The following FLYWCH1 variants were observed in gnomAD, a reference collection of about 807,000 sequenced individuals.
The protein encoded by FLYWCH1 is FLYWCH-type zinc finger-containing protein 1.
FLYWCH1 carries 75 observed loss-of-function variants against 66.4 expected under a neutral mutation model. The observed-to-expected ratio is 1.13, with a 90% CI of 0.94 to 1.37. The LOEUF (loss-of-function observed/expected upper bound fraction) is 1.37. FLYWCH1 is among the 40% of genes most tolerant of loss of function. The pLI is 0.00. For missense variants in FLYWCH1, 1,334 were observed against 1,001.8 expected, an observed-to-expected ratio of 1.33 and a Z score of -4.48; for synonymous variants, 595 against 429.9, an observed-to-expected ratio of 1.38 and a Z score of -4.75.
At chr16:2,936,642 C>T (rs1185901822) in intron 6 of FLYWCH1, 1 of 458,622 alleles carries the variant, frequency 2.2e-6, no homozygotes, top group South Asian at 1.5e-5. Context: ...ACATCCAGGA[C>T]AGTGGACGCT....
At chr16:2,917,687 A>G (rs1356934458) in intron 2 of FLYWCH1, among the ~76,000 whole-genome samples, 2 of 152,054 alleles carry the variant, frequency 1.3e-5, no homozygotes, top group African/African-American at 2.4e-5. Context: ...TCTGTTTCCC[A>G]AGGTCATCTA....
intron 9 of FLYWCH1, chr16:2,943,583 A>T (rs2071359207): frequency 6.6e-6 from 1 of 151,862 alleles, no homozygotes; most frequent in South Asian, 2.1e-4. Context: ...TGATAAAAAC[A>T]TTCAACAAAC....
intron 2 of FLYWCH1, among the ~76,000 whole-genome samples, chr16:2,914,835 T>C (rs1309289654): frequency 6.6e-6 from 1 of 150,572 alleles, no homozygotes; most frequent in Non-Finnish European, 1.5e-5. Context: ...GGTTCAAGGA[T>C]TCAGCGGAGG....
At position 2,930,644 on chromosome 16, in the gene FLYWCH1, G is replaced by A; in HGVS notation, c.560G>A (p.Arg187Lys). ...DEQGLEARRQ[R>K]EKLPSLALPE... ...CAAGGCCTGGAGGCCCGGCGCCAGA[G>A]GGAGAAACTGCCCAGCCTGGCCCTG... Residue 187 changes from arginine (R) to lysine (K), a missense_variant, in exon 4 of 10, where the codon AGG becomes AAG. Transcript: ENST00000253928. The A allele has an allele frequency of 1.3e-6, 2 of 1,547,720 alleles. No individual in the cohort carries two copies. Among genetic ancestry groups the A allele is most frequent in the Admixed American group, 2.0e-5 (1 of 50,960 alleles).
At chr16:2,945,772 CAGATCATG>C (rs1298532983) in intron 9 of FLYWCH1, among the ~76,000 whole-genome samples, 11 of 152,018 alleles carry the variant, frequency 7.2e-5, no homozygotes, top group Admixed American at 6.6e-4. Context: ...CCAAGGTGGG[CAGATCATG>C]AGATCAGGAG....
chr16:2,938,036 C>A, intron 7 of FLYWCH1, 148 bp from the exon 8 acceptor site: 1 of 773,794 alleles, frequency 1.3e-6, no homozygotes, highest in Non-Finnish European at 2.1e-6. Flanking sequence ...GCTGCAGGGC[C>A]CAGAGGGGAG....
In FLYWCH1 at chr16:2,923,278, C is replaced by T. The variant is rs148896693; in HGVS notation, c.-73-6335C>T. Reference sequence around the variant, plus strand: ...TATTTTTATTTTTGAAATGGAGTCTCGCTCTGTCGCCCAGGCTGGAGTGCA... The same window carrying T: ...TATTTTTATTTTTGAAATGGAGTCTTGCTCTGTCGCCCAGGCTGGAGTGCA... On this transcript the variant is annotated intron_variant, in intron 2 of 9. Coordinates refer to ENST00000253928, the MANE Select transcript of FLYWCH1 (RefSeq NM_001308068.2). 3.1e-3 allele frequency: 782 copies of T among 253,156 alleles called. 1 individual carries two copies. Among genetic ancestry groups the T allele is most frequent in the African/African-American group, 0.017 (726 of 43,130 alleles). 15.7% of individuals were successfully genotyped at this position (253,156 alleles called of 1,614,324 possible).
rs1214292021 is a variant in FLYWCH1 at position 2,940,014 on chromosome 16, T to C, written c.2051-18T>C. The C allele has an allele frequency of 4.4e-6, 7 of 1,593,208 alleles. No homozygotes were observed. Among genetic ancestry groups the C allele is most frequent in the Non-Finnish European group, 6.0e-6 (7 of 1,168,140 alleles). Reference sequence around the variant, plus strand: ...AGAGAAGAATTATTAATTCATATTTTCAATTATTTTTCCACAGAAAAGATT... The same window carrying C: ...AGAGAAGAATTATTAATTCATATTTCCAATTATTTTTCCACAGAAAAGATT... On this transcript the variant is annotated intron_variant, in intron 8 of 9. Coordinates refer to ENST00000253928, the MANE Select transcript of FLYWCH1 (RefSeq NM_001308068.2).
chr16:2,938,582 T>C (rs1264773162), intron 8 of FLYWCH1, 126 bp downstream of exon 8: 1 of 725,728 alleles, frequency 1.4e-6, no homozygotes. Flanking sequence ...ATTATTCATA[T>C]AAACAGAATG....
intron 2 of FLYWCH1, among the ~76,000 whole-genome samples, chr16:2,924,163 T>C (rs987652394): frequency 3.3e-5 from 5 of 152,014 alleles, no homozygotes; most frequent in Non-Finnish European, 7.4e-5. Context: ...ACCCCGTCTC[T>C]ACTAAAAATA....
chr16:2,933,313 G>T lies in FLYWCH1; in HGVS notation c.980G>T (p.Arg327Leu). 6.2e-7 allele frequency: 1 copy of T among 1,610,830 alleles called. No homozygotes were observed. ...CAGGGACAGCGGGTGACTGTGATGC[G>T]TGGGCACTGCCACCAGCCCGATATG... ...ITQGQRVTVM[R>L]GHCHQPDMEG... is the part of the protein sequence containing the mutation. Residue 327 changes from arginine (R) to leucine (L), a missense_variant, in exon 5 of 10, where the codon CGT becomes CTT. Physicochemically the swap from Arg to Leu is moderately radical, Grantham distance 102. Transcript: ENST00000253928.
rs2070855276 is a variant in FLYWCH1 at position 2,933,468 on chromosome 16, G to A, written c.1135G>A (p.Gly379Ser). 6.2e-7 allele frequency: 1 copy of A among 1,603,754 alleles called. No individual in the cohort carries two copies. Among genetic ancestry groups the A allele is most frequent in the South Asian group, 1.1e-5 (1 of 89,568 alleles). Residue 379 changes from glycine to serine, a missense_variant, in exon 5 of 10, where the codon GGT becomes AGT. Transcript: ENST00000253928. Reference sequence around the variant, plus strand: ...TAGTTTGCTCTACCGCAGGGGTCCGGGTCCCCTGACTCTCACCAGGCCTCG... The same window carrying A: ...TAGTTTGCTCTACCGCAGGGGTCCGAGTCCCCTGACTCTCACCAGGCCTCG... ...VDSLLYRRGP[G>S]PLTLTRPRPR... is the part of the protein sequence containing the mutation.
chr16:2,922,601 GA>G, intron 2 of FLYWCH1: 1 of 339,742 alleles, frequency 2.9e-6, no homozygotes, highest in Non-Finnish European at 5.7e-6. Flanking sequence ...GTATGTTGCA[GA>G]TTTTTTTATG....
intron 3 of FLYWCH1, 68 bp downstream of exon 3, chr16:2,930,078 C>A: frequency 7.4e-7 from 1 of 1,342,342 alleles, no homozygotes; most frequent in Non-Finnish European, 1.0e-6. Flanking sequence ...AGGCCCTGTA[C>A]ACCCTGCTTC....
At chr16:2,921,533 C>G (rs2070375459) in intron 2 of FLYWCH1, among the ~76,000 whole-genome samples, 1 of 151,792 alleles carries the variant, frequency 6.6e-6, no homozygotes, top group Non-Finnish European at 1.5e-5. Context: ...CTGTCATTAC[C>G]AAAATATTTT....
At position 2,927,188 on chromosome 16, in the gene FLYWCH1, G is replaced by C. The variant is rs562213884; in HGVS notation, c.-73-2425G>C. On this transcript the variant is annotated intron_variant, in intron 2 of 9. Coordinates refer to ENST00000253928, the MANE Select transcript of FLYWCH1 (RefSeq NM_001308068.2). The stretch of plus-strand genomic sequence containing the variant: ...CGTCAGCACCACAGGGCGCGGCGCT[G>C]TGTCCTCAGCCGCCCACTATGAGAC... Among the ~76,000 whole-genome samples the C allele has an allele frequency of 5.3e-5, 8 of 152,280 alleles. No homozygotes were observed. The East Asian group carries it at 1.5e-3, about 29-fold the overall frequency.
At chr16:2,942,515 A>G (rs2071310004) in intron 9 of FLYWCH1, among the ~76,000 whole-genome samples, 1 of 152,120 alleles carries the variant, frequency 6.6e-6, no homozygotes, top group African/African-American at 2.4e-5. Flanking sequence ...CAAAGAGAAA[A>G]CTACAGACCA....
intron 4 of FLYWCH1, among the ~76,000 whole-genome samples, chr16:2,932,330 C>G (rs1362099722): frequency 6.7e-6 from 1 of 148,260 alleles, no homozygotes; most frequent in Non-Finnish European, 1.5e-5. Context: ...GTTTTGGGTC[C>G]TAGGTTCAAC....
intron 9 of FLYWCH1, among the ~76,000 whole-genome samples, chr16:2,948,306 C>T (rs987956601): frequency 6.6e-6 from 1 of 152,026 alleles, no homozygotes; most frequent in African/African-American, 2.4e-5. Flanking sequence ...TGCCTGTAAT[C>T]CCAGCACTTT....
Sources: gnomAD v4.1 joint callset for allele counts (sites outside exome capture counted in the v4.1 genomes callset) on GRCh38, gnomAD v4.1.1 for gene constraint, MANE v1.5 for transcripts, NCBI Gene and HGNC (gene_info 2026-07-23, HGNC 2026-07-21) for gene names.